LRRC74A: variants seen among roughly 807,000 people sequenced by gnomAD.
LRRC74A encodes the protein leucine rich repeat containing 74A.
A neutral mutation model predicts 57.9 loss-of-function variants in LRRC74A; 44 were observed. That is an observed-to-expected ratio of 0.76 (90% confidence interval 0.60 to 0.98). The LOEUF is 0.98. Among genes scored for constraint, LRRC74A ranks in the 50% least tolerant of loss-of-function variants. The pLI, the probability that LRRC74A is intolerant of heterozygous loss-of-function variation, is 0.00. For missense variants in LRRC74A, 572 were observed against 574.0 expected, an observed-to-expected ratio of 1.00 and a Z score of 0.04; for synonymous variants, 211 against 219.4, an observed-to-expected ratio of 0.96 and a Z score of 0.34.
At chr14:76,868,331 T>C (rs1875988645) in intron 13 of LRRC74A, among the ~76,000 whole-genome samples, 1 of 152,094 alleles carries the variant, frequency 6.6e-6, no homozygotes, top group Non-Finnish European at 1.5e-5. Flanking sequence ...TAGCTGAACA[T>C]GGCAGTGCAT....
At chr14:76,830,630 G>A (rs571905701) in intron 2 of LRRC74A, among the ~76,000 whole-genome samples, 5 of 152,342 alleles carry the variant, frequency 3.3e-5, no homozygotes, top group East Asian at 1.9e-4. Context: ...CTTGTTTCTC[G>A]CTGATGTGGA....
In LRRC74A at chr14:76,828,275, G is replaced by C. The variant is rs751626615; in HGVS notation, c.38-16G>C. ...GTTTTATTCCTGGCATCAAGGAGATGAGTTTTTTCTTCCAGATGAGATTGA... is the reference window on the plus strand; with the variant it reads ...GTTTTATTCCTGGCATCAAGGAGATCAGTTTTTTCTTCCAGATGAGATTGA... On this transcript the variant is annotated splice_polypyrimidine_tract_variant and intron_variant, in intron 1 of 13. Coordinates refer to ENST00000689127, the MANE Select transcript of LRRC74A (RefSeq NM_001385106.1). The C allele has an allele frequency of 1.3e-6, 2 of 1,576,418 alleles. No homozygotes were observed. Among genetic ancestry groups the C allele is most frequent in the African/African-American group, 2.7e-5 (2 of 73,674 alleles).
chr14:76,844,771 G>T (rs1237530298), intron 6 of LRRC74A, 49 bp from the exon 7 acceptor site: 1 of 1,013,770 alleles, frequency 9.9e-7, no homozygotes, highest in Non-Finnish European at 1.5e-6. Context: ...TAAGATATTT[G>T]CAATCAGAAG....
intron 10 of LRRC74A, among the ~76,000 whole-genome samples, chr14:76,858,632 T>A (rs1898070958): frequency 6.6e-6 from 1 of 152,148 alleles, no homozygotes; most frequent in Non-Finnish European, 1.5e-5. Context: ...TCTCACTCTG[T>A]TGCCCAGGCT....
intron 7 of LRRC74A, among the ~76,000 whole-genome samples, 156 bp downstream of exon 7, chr14:76,845,057 C>T (rs1897030692): frequency 6.6e-6 from 1 of 152,224 alleles, no homozygotes; most frequent in African/African-American, 2.4e-5. Flanking sequence ...GGTGCAGTGG[C>T]TTATGCCTGT....
intron 3 of LRRC74A, among the ~76,000 whole-genome samples, 166 bp from the exon 4 acceptor site, chr14:76,836,041 C>T (rs17736283): frequency 0.03 from 4,532 of 152,314 alleles, 104 homozygotes; most frequent in Non-Finnish European, 0.041. Context: ...CAAAACTCCA[C>T]GGGTTGGTTC....
intron 7 of LRRC74A, among the ~76,000 whole-genome samples, chr14:76,849,020 A>G (rs1897274164): frequency 6.6e-6 from 1 of 152,210 alleles, no homozygotes. Flanking sequence ...GGTTGATGGG[A>G]GAGCAGAAGG....
At chr14:76,842,287 C>T (rs1247788952) in intron 5 of LRRC74A, among the ~76,000 whole-genome samples, 1 of 152,114 alleles carries the variant, frequency 6.6e-6, no homozygotes, top group South Asian at 2.1e-4. Context: ...GGTGATTATA[C>T]CTGCAAATAA....
In LRRC74A at chr14:76,870,222, C is replaced by A; in HGVS notation, c.*73C>A. The A allele has an allele frequency of 1.3e-6, 2 of 1,486,608 alleles. No homozygotes were observed. Among genetic ancestry groups the A allele is most frequent in the Non-Finnish European group, 1.8e-6 (2 of 1,081,682 alleles). 92.1% of individuals were successfully genotyped at this position (1,486,608 alleles called of 1,614,324 possible). On this transcript the variant is annotated 3_prime_UTR_variant, in exon 14 of 14. Transcript: ENST00000689127. ...AGTCGGATGGTGGCAGGGAGGAGAG[C>A]AAGAGGTGGCTGAAATCTCGATGGA...
intron 4 of LRRC74A, among the ~76,000 whole-genome samples, chr14:76,836,857 G>A (rs1896385674): frequency 6.7e-6 from 1 of 148,710 alleles, no homozygotes; most frequent in South Asian, 2.1e-4. Flanking sequence ...AATGATAAAT[G>A]TGGCCAGGCA....
At chr14:76,853,092 A>G (rs1897623182) in intron 8 of LRRC74A, 124 bp from the exon 9 acceptor site, 19 of 819,002 alleles carry the variant, frequency 2.3e-5, no homozygotes, top group South Asian at 1.7e-4. Context: ...TGGCAGACCC[A>G]TCAGTCCTGG....
At chr14:76,851,111 C>T (rs1271739954) in intron 7 of LRRC74A, among the ~76,000 whole-genome samples, 1 of 152,206 alleles carries the variant, frequency 6.6e-6, no homozygotes, top group African/African-American at 2.4e-5. Context: ...AGTATGATTT[C>T]TGTGCAAACC....
chr14:76,866,226 A>G (rs111669209), intron 12 of LRRC74A, among the ~76,000 whole-genome samples, 151 bp downstream of exon 12: 2 of 152,230 alleles, frequency 1.3e-5, no homozygotes, highest in African/African-American at 4.8e-5. Flanking sequence ...CCCCTCATTT[A>G]TCTAGACCCA....
At chr14:76,829,096 C>G in intron 2 of LRRC74A, 2 of 1,289,400 alleles carry the variant, frequency 1.6e-6, no homozygotes, top group Non-Finnish European at 2.0e-6. Context: ...CCCAGTTTCC[C>G]CAAGAAGGGA....
At chr14:76,831,010 T>C (rs1200557450) in intron 2 of LRRC74A, among the ~76,000 whole-genome samples, 193 bp from the exon 3 acceptor site, 1 of 152,210 alleles carries the variant, frequency 6.6e-6, no homozygotes, top group Non-Finnish European at 1.5e-5. Context: ...CATCTGGGAC[T>C]TTCTGGAGTT....
rs1277045931 is a variant in LRRC74A at position 76,837,947 on chromosome 14, T to G, written c.520T>G (p.Ser174Ala). The change falls in exon 5 of 14, where the codon TCT becomes GCT. Residue 174 changes from serine to alanine, a missense_variant. Physicochemically the swap from Ser to Ala is moderately conservative, Grantham distance 99. Transcript: ENST00000689127. ...AGATTTCTTTGAGAGAAACAGTTCT[T>G]CTATCTGGAGCCTTGAGCTTTCAGG... Reference protein sequence around the residue: ...ISDFFERNSSSIWSLELSGND... With the variant: ...ISDFFERNSSAIWSLELSGND... The G allele has an allele frequency of 6.3e-7, 1 of 1,580,834 alleles. No homozygotes were observed. Among genetic ancestry groups the G allele is most frequent in the South Asian group, 1.2e-5 (1 of 86,286 alleles).
At chr14:76,846,557 G>A (rs1364304201) in intron 7 of LRRC74A, among the ~76,000 whole-genome samples, 1 of 152,214 alleles carries the variant, frequency 6.6e-6, no homozygotes, top group African/African-American at 2.4e-5. Context: ...TGTCACAGGA[G>A]TCTAGGCAAG....
chr14:76,844,039 C>T (rs1029491676), intron 5 of LRRC74A, among the ~76,000 whole-genome samples: 1 of 152,146 alleles, frequency 6.6e-6, no homozygotes, highest in Non-Finnish European at 1.5e-5. Context: ...TGGTCTGTCA[C>T]CCAGGCTGGA....
intron 5 of LRRC74A, among the ~76,000 whole-genome samples, chr14:76,839,884 C>T (rs1184923842): frequency 6.6e-6 from 1 of 152,046 alleles, no homozygotes; most frequent in African/African-American, 2.4e-5. Flanking sequence ...GTGCCCGCCA[C>T]CACACCCAGC....
Sources: allele counts gnomAD v4.1 joint callset (sites outside exome capture counted in the v4.1 genomes callset), GRCh38; gene constraint gnomAD v4.1.1; transcripts MANE v1.5; gene names NCBI Gene and HGNC (gene_info 2026-07-23, HGNC 2026-07-21).